RTN1: variants seen among roughly 807,000 people sequenced by gnomAD.
RTN1 encodes reticulon 1.
RTN1 carries 25 observed loss-of-function variants against 65.5 expected under a neutral mutation model. The ratio of observed to expected loss-of-function variants is 0.38; its 90% CI spans 0.28 to 0.53. The LOEUF is 0.53. Ranked by LOEUF, RTN1 falls within the 20% of genes least tolerant of loss-of-function variation. RTN1 has a pLI of 0.79. For missense variants in RTN1, 983 were observed against 1,025.4 expected (o/e 0.96, Z 0.57); for synonymous variants, 471 against 447.6 (o/e 1.05, Z -0.66).
At chr14:59,744,680 G>A (rs1885179680) in intron 2 of RTN1, among the ~76,000 whole-genome samples, 1 of 152,116 alleles carries the variant, frequency 6.6e-6, no homozygotes, top group South Asian at 2.1e-4. Flanking sequence ...AAGGGGAAGG[G>A]AGGAGTTTGC....
intron 1 of RTN1, among the ~76,000 whole-genome samples, chr14:59,753,047 C>T (rs2139531811): frequency 6.6e-6 from 1 of 152,260 alleles, no homozygotes; most frequent in South Asian, 2.1e-4. Flanking sequence ...TACTAATTGG[C>T]TACCACTGTA....
At chr14:59,644,781 C>T (rs1406990039) in intron 3 of RTN1, among the ~76,000 whole-genome samples, 1 of 151,632 alleles carries the variant, frequency 6.6e-6, no homozygotes, top group Non-Finnish European at 1.5e-5. Context: ...ACAGCCTTGG[C>T]TGTCGTTGCC....
At chr14:59,623,394 G>A (rs1882307151) in intron 3 of RTN1, among the ~76,000 whole-genome samples, 2 of 152,196 alleles carry the variant, frequency 1.3e-5, no homozygotes, top group African/African-American at 4.8e-5. Context: ...AACAGGTCCT[G>A]TGAATTTCAG....
intron 1 of RTN1, among the ~76,000 whole-genome samples, chr14:59,749,098 A>G (rs1024504093): frequency 1.2e-4 from 10 of 82,550 alleles, no homozygotes; most frequent in African/African-American, 5.6e-4. Flanking sequence ...ATCTATATAT[A>G]TATCTATATA....
chr14:59,730,062 T>C (rs1005665478), intron 2 of RTN1, among the ~76,000 whole-genome samples: 2 of 152,234 alleles, frequency 1.3e-5, no homozygotes, highest in African/African-American at 4.8e-5. Flanking sequence ...TTCTTGGCCA[T>C]CTTTACACTT....
intron 3 of RTN1, among the ~76,000 whole-genome samples, chr14:59,690,405 C>G (rs727691): frequency 6.6e-6 from 1 of 152,024 alleles, no homozygotes; most frequent in African/African-American, 2.4e-5. Context: ...CTTAACTATC[C>G]TAAATATATA....
At position 59,849,512 on chromosome 14, in the gene RTN1, A is replaced by G. The variant is rs1427818972; in HGVS notation, c.241+20878T>C. On this transcript the variant is annotated intron_variant, in intron 1 of 8. Transcript: ENST00000267484. The surrounding 1 kb of genome is among the most constrained non-coding windows in gnomAD (Gnocchi z 4.5). ...CAGCTAAATTCTTCTCCATTTAGAT[A>G]AAGTTAATATGAGTCTTTTGGAAAA... Among the ~76,000 whole-genome samples, 1 of 152,200 alleles carries G rather than the reference A, an allele frequency of 6.6e-6. No homozygotes were observed. The highest frequency in any genetic ancestry group is 1.5e-5 in the Non-Finnish European group (1 of 68,034).
At chr14:59,697,907 A>G (rs777095641) in intron 3 of RTN1, among the ~76,000 whole-genome samples, 13 of 152,182 alleles carry the variant, frequency 8.5e-5, no homozygotes, top group Non-Finnish European at 1.5e-4. Context: ...TGTACTGTTT[A>G]GGAGCAAAAC....
chr14:59,821,864 T>C (rs956239452), intron 1 of RTN1, among the ~76,000 whole-genome samples: 2 of 152,214 alleles, frequency 1.3e-5, no homozygotes, highest in African/African-American at 4.8e-5. Context: ...GAATAAAGCC[T>C]ACTTCATCAT....
intron 1 of RTN1, among the ~76,000 whole-genome samples, chr14:59,801,979 T>G (rs890833413): frequency 1.3e-5 from 2 of 152,178 alleles, no homozygotes; most frequent in Non-Finnish European, 2.9e-5. Context: ...TTCCACCTTA[T>G]TAATTACTCC....
At chr14:59,602,681 A>G (rs1487908970) in intron 8 of RTN1, among the ~76,000 whole-genome samples, 1 of 152,148 alleles carries the variant, frequency 6.6e-6, no homozygotes, top group Non-Finnish European at 1.5e-5. Context: ...AGTGCTATTC[A>G]TTGTTTAAAA....
chr14:59,623,198 C>G (rs1265417751), intron 3 of RTN1, among the ~76,000 whole-genome samples: 2 of 152,196 alleles, frequency 1.3e-5, no homozygotes, highest in African/African-American at 4.8e-5. Flanking sequence ...GGACTGAAGG[C>G]AAAAACTACT....
intron 8 of RTN1, among the ~76,000 whole-genome samples, chr14:59,601,507 A>G (rs1007268343): frequency 6.6e-6 from 1 of 152,138 alleles, no homozygotes; most frequent in African/African-American, 2.4e-5. Flanking sequence ...CATTTCATTT[A>G]TCTTTATACC....
chr14:59,810,000 C>T (rs1886700212), intron 1 of RTN1, among the ~76,000 whole-genome samples: 1 of 152,148 alleles, frequency 6.6e-6, no homozygotes, highest in East Asian at 1.9e-4. Context: ...TTAGAGTACC[C>T]ACTACGTTCC....
At chr14:59,778,966 CA>C (rs1886102840) in intron 1 of RTN1, among the ~76,000 whole-genome samples, 1 of 152,064 alleles carries the variant, frequency 6.6e-6, no homozygotes. Context: ...GGGCTTTAAT[CA>C]AGGGAGATCT....
chr14:59,781,930 C>A (rs1442556932), intron 1 of RTN1, among the ~76,000 whole-genome samples: 1 of 152,056 alleles, frequency 6.6e-6, no homozygotes, highest in Non-Finnish European at 1.5e-5. Context: ...GTTTGTGTGT[C>A]CCCAATGGTC....
At position 59,727,406 on chromosome 14, in the gene RTN1, C is replaced by T. The variant is rs772272789; in HGVS notation, c.1278G>A (p.Ala426=). ...VSEDPMAAED[A]LPSGYVSFGH... ...CAAAGCTCACATAGCCTGAGGGCAG[C>T]GCGTCCTCCGCGGCCATGGGGTCCT... The change falls in exon 3 of 9, where the codon GCG becomes GCA. Residue 426 remains alanine (A), a synonymous_variant. Transcript: ENST00000267484. This position sits in a 1 kb window ranked among gnomAD's most constrained non-coding sequence, Gnocchi z 4.2. 3.2e-5 allele frequency: 50 copies of T among 1,546,902 alleles called. No homozygotes were observed. The highest frequency in any genetic ancestry group is 3.8e-5 in the Non-Finnish European group (44 of 1,146,384).
chr14:59,643,298 A>G (rs1263012533), intron 3 of RTN1, among the ~76,000 whole-genome samples: 1 of 152,126 alleles, frequency 6.6e-6, no homozygotes, highest in Admixed American at 6.6e-5. Flanking sequence ...AGTCCTAGCT[A>G]TTTGGGAGGC....
chr14:59,759,964 A>G (rs1160680885), intron 1 of RTN1, among the ~76,000 whole-genome samples: 1 of 152,238 alleles, frequency 6.6e-6, no homozygotes, highest in Non-Finnish European at 1.5e-5. Flanking sequence ...TCCTATCCAG[A>G]TTACAAATGT....
Sources: allele counts gnomAD v4.1 joint callset (sites outside exome capture counted in the v4.1 genomes callset), GRCh38; gene constraint gnomAD v4.1.1; non-coding constraint Gnocchi (gnomAD v3.1); transcripts MANE v1.5; gene names NCBI Gene and HGNC (gene_info 2026-07-23, HGNC 2026-07-21).